ST3GAL4: variants seen among roughly 807,000 people sequenced by gnomAD.
The protein encoded by ST3GAL4 is ST3 beta-galactoside alpha-2,3-sialyltransferase 4, also known as CMP-N-acetylneuraminate-beta-galactosamide-alpha-2,3-sialyltransferase 4.
Under a neutral mutation model 42.6 loss-of-function variants are expected in ST3GAL4, and 24 were observed. The observed-to-expected ratio is 0.56, with a 90% CI of 0.41 to 0.79. The LOEUF (loss-of-function observed/expected upper bound fraction) is 0.79, where lower values mean the gene tolerates loss of function less well. Among genes scored for constraint, ST3GAL4 ranks in the 30% least tolerant of loss-of-function variants. The pLI is 0.00. For missense variants in ST3GAL4, 311 were observed against 430.8 expected (o/e 0.72, Z 2.46); for synonymous variants, 135 against 163.2 (o/e 0.83, Z 1.32).
At chr11:126,358,698 G>A (rs1952155510) in intron 1 of ST3GAL4, among the ~76,000 whole-genome samples, 1 of 152,226 alleles carries the variant, frequency 6.6e-6, no homozygotes, top group South Asian at 2.1e-4. Flanking sequence ...CGGGGTTAGA[G>A]GGTGTGGGTG....
chr11:126,390,017 CAAAAA>C (rs57306343), intron 1 of ST3GAL4, among the ~76,000 whole-genome samples: 2 of 114,636 alleles, frequency 1.7e-5, no homozygotes, highest in African/African-American at 3.4e-5. Flanking sequence ...GCTAAAAATA[CAAAAA>C]AAAAAAAAAA....
chr11:126,381,025 A>G (rs1952980545), intron 1 of ST3GAL4, among the ~76,000 whole-genome samples: 1 of 152,212 alleles, frequency 6.6e-6, no homozygotes, highest in Non-Finnish European at 1.5e-5. Flanking sequence ...GCATCCTTGC[A>G]TAGACAAGAA....
In ST3GAL4 at chr11:126,406,094, A is replaced by T; in HGVS notation, c.-60-2A>T. ...CGGACACCTGTGGCTCTTATTTCCT[A>T]GGTGGCCCGAGGCAGCCGGGATGAC... On this transcript the variant is annotated splice_acceptor_variant, in intron 1 of 10. Coordinates refer to ENST00000444328, the MANE Select transcript of ST3GAL4 (RefSeq NM_001254757.2). LOFTEE classifies it low-confidence loss of function (5UTR_SPLICE). The surrounding 1 kb of genome is among the most constrained non-coding windows in gnomAD (Gnocchi z 5.4). The T allele has an allele frequency of 3.2e-6, 5 of 1,551,574 alleles. No homozygotes were observed. The highest frequency in any genetic ancestry group is 4.4e-6 in the Non-Finnish European group (5 of 1,146,970).
chr11:126,406,839 G>A lies in ST3GAL4; in HGVS notation c.102-104G>A, dbSNP rs1260678523. ...ACTTAACTTGAGATGATTCCTCCCC[G>A]GCACCTTGGGACCTTCATGCCGTGG... is the stretch of plus-strand genomic sequence containing the variant. On this transcript the variant is annotated intron_variant, in intron 3 of 10. Transcript: ENST00000444328. This position sits in a 1 kb window ranked among gnomAD's most constrained non-coding sequence, Gnocchi z 5.4. 11 of 1,118,364 alleles carry A rather than the reference G, an allele frequency of 9.8e-6. No homozygotes were observed. The highest frequency in any genetic ancestry group is 2.3e-5 in the East Asian group (1 of 42,566). 69.3% of individuals were successfully genotyped at this position (1,118,364 alleles called of 1,614,324 possible).
rs1954249982 is a variant in ST3GAL4, at chr11:126,406,724, G to A, written c.101+167G>A. On this transcript the variant is annotated intron_variant, in intron 3 of 10. Coordinates refer to ENST00000444328, the MANE Select transcript of ST3GAL4 (RefSeq NM_001254757.2). This position sits in a 1 kb window ranked among gnomAD's most constrained non-coding sequence, Gnocchi z 5.4. ...GAGTGTTTCCATGAGGGTGGGTGGG[G>A]GTAGGGCCTGGGATGTCTCACTGGG... 1 of 1,004,980 alleles carries A rather than the reference G, an allele frequency of 1.0e-6. No homozygotes were observed. The highest frequency in any genetic ancestry group is 1.5e-6 in the Non-Finnish European group (1 of 686,980). The allele number at this position is 1,004,980 out of a possible 1,614,324, so 62.3% of individuals were successfully genotyped here. A position where few individuals can be genotyped will look rare whatever the true frequency, so the allele number is the denominator to read the frequency against.
chr11:126,356,215 A>C (rs1439751128), intron 1 of ST3GAL4: 1 of 152,304 alleles, frequency 6.6e-6, no homozygotes, highest in Non-Finnish European at 1.5e-5. Context: ...CAGGTCCAGC[A>C]CTTGGGAGCT....
Position 126,400,563 on chromosome 11 carries a change from A to T in ST3GAL4, c.-60-5533A>T, listed in dbSNP as rs1340201778. On this transcript the variant is annotated intron_variant, in intron 1 of 10. Coordinates refer to ENST00000444328, the MANE Select transcript of ST3GAL4 (RefSeq NM_001254757.2). This position sits in a 1 kb window ranked among gnomAD's most constrained non-coding sequence, Gnocchi z 4.6. ...GGTAAGAGATGCGTTTGCAGTTCTCATGGCCGCAGACTGAAGGGGCCTGGT... is the reference window on the plus strand; with the variant it reads ...GGTAAGAGATGCGTTTGCAGTTCTCTTGGCCGCAGACTGAAGGGGCCTGGT... 1.3e-5 allele frequency among the ~76,000 whole-genome samples: 2 copies of T among 152,224 alleles called. No individual in the cohort carries two copies. Among genetic ancestry groups the T allele is most frequent in the Admixed American group, 6.5e-5 (1 of 15,280 alleles).
chr11:126,412,118 A>C (rs1459290959), intron 9 of ST3GAL4, among the ~76,000 whole-genome samples: 1 of 152,114 alleles, frequency 6.6e-6, no homozygotes, highest in Non-Finnish European at 1.5e-5. Flanking sequence ...GGGTGGTAAC[A>C]TATTTAACTA....
chr11:126,407,126 G>T, intron 4 of ST3GAL4, 103 bp downstream of exon 4: 1 of 1,474,588 alleles, frequency 6.8e-7, no homozygotes, highest in Non-Finnish European at 9.5e-7. Flanking sequence ...TGTGTTGGTG[G>T]ACATGGGTTA....
At chr11:126,370,669 C>T (rs1189485426) in intron 1 of ST3GAL4, among the ~76,000 whole-genome samples, 1 of 151,606 alleles carries the variant, frequency 6.6e-6, no homozygotes, top group Admixed American at 6.6e-5. Flanking sequence ...TTTCTTCAAT[C>T]TCCATTCCTT....
At chr11:126,413,419 C>T (rs1274893016) in intron 9 of ST3GAL4, 86 bp from the exon 10 acceptor site, 1 of 1,528,108 alleles carries the variant, frequency 6.5e-7, no homozygotes. Context: ...TCCGTGACTG[C>T]AGGAAGTTCC....
In ST3GAL4 at chr11:126,408,810, A is replaced by G. The variant is rs576550451; in HGVS notation, c.627+314A>G. 28 of 448,162 alleles carry G rather than the reference A, an allele frequency of 6.2e-5. No homozygotes were observed. In the Admixed American group the frequency reaches 7.1e-4, roughly 11 times the overall value. 27.8% of individuals were successfully genotyped at this position (448,162 alleles called of 1,614,324 possible). A position where few individuals can be genotyped will look rare whatever the true frequency, so the allele number is the denominator to read the frequency against. ...CTGTGAGGAACTCGGGAGCTGAGCAACCCTCCAGCAGCCATCTCCAGGCTG... is the reference window on the plus strand; with the variant it reads ...CTGTGAGGAACTCGGGAGCTGAGCAGCCCTCCAGCAGCCATCTCCAGGCTG... On this transcript the variant is annotated intron_variant, in intron 8 of 10. Coordinates refer to ENST00000444328, the MANE Select transcript of ST3GAL4 (RefSeq NM_001254757.2).
chr11:126,384,962 G>A lies in ST3GAL4; in HGVS notation c.-60-21134G>A, dbSNP rs1260183820. 1 of 971,662 alleles carries A rather than the reference G, an allele frequency of 1.0e-6. No homozygotes were observed. Among genetic ancestry groups the A allele is most frequent in the Admixed American group, 6.2e-5 (1 of 16,238 alleles). 60.2% of individuals were successfully genotyped at this position (971,662 alleles called of 1,614,324 possible). ...CTTGTGCCTGGGAAGGGAGGACCAGGTGTCGCTGGCACCTTCCACGTCCTG... is the reference window on the plus strand; with the variant it reads ...CTTGTGCCTGGGAAGGGAGGACCAGATGTCGCTGGCACCTTCCACGTCCTG... On this transcript the variant is annotated intron_variant, in intron 1 of 10. Transcript: ENST00000444328. This position sits in a 1 kb window ranked among gnomAD's most constrained non-coding sequence, Gnocchi z 5.5.
rs111447568 is a variant in ST3GAL4 at position 126,390,238 on chromosome 11, A to G, written c.-60-15858A>G. 9.3e-5 allele frequency among the ~76,000 whole-genome samples: 14 copies of G among 151,294 alleles called. 1 individual carries two copies. The highest frequency in any genetic ancestry group is 3.4e-4 in the African/African-American group (14 of 41,252). ...AGTTTATCCCAATTGACCCATATGG[A>G]TTGATTTCTTCAGTTTACATGGCTA... On this transcript the variant is annotated intron_variant, in intron 1 of 10. Transcript: ENST00000444328.
At chr11:126,367,370 G>T (rs1188711500) in intron 1 of ST3GAL4, among the ~76,000 whole-genome samples, 3 of 152,220 alleles carry the variant, frequency 2.0e-5, no homozygotes, top group Non-Finnish European at 4.4e-5. Flanking sequence ...CCTGGCCGTG[G>T]CAGGTCCTTT....
At chr11:126,403,355 C>T in intron 1 of ST3GAL4, 1 of 969,478 alleles carries the variant, frequency 1.0e-6, no homozygotes, top group Non-Finnish European at 1.2e-6. Context: ...TGACGCTGCT[C>T]ACCTCTGACG....
rs568022618 is a variant in ST3GAL4 at position 126,384,981 on chromosome 11, C to G, written c.-60-21115C>G. On this transcript the variant is annotated intron_variant, in intron 1 of 10. Transcript: ENST00000444328. This position sits in a 1 kb window ranked among gnomAD's most constrained non-coding sequence, Gnocchi z 5.5. Reference sequence around the variant, plus strand: ...GACCAGGTGTCGCTGGCACCTTCCACGTCCTGAGTGCTTGTTCTGTGCCCA... The same window carrying G: ...GACCAGGTGTCGCTGGCACCTTCCAGGTCCTGAGTGCTTGTTCTGTGCCCA... 5.5e-6 allele frequency: 5 copies of G among 906,632 alleles called. No homozygotes were observed. The highest frequency in any genetic ancestry group is 1.0e-4 in the South Asian group (2 of 19,718). 56.2% of individuals were successfully genotyped at this position (906,632 alleles called of 1,614,324 possible). A position where few individuals can be genotyped will look rare whatever the true frequency, so the allele number is the denominator to read the frequency against.
chr11:126,356,371 TA>T (rs1952061541), intron 1 of ST3GAL4: 1 of 152,510 alleles, frequency 6.6e-6, no homozygotes, highest in Non-Finnish European at 1.5e-5. Context: ...TCGTCAGGCC[TA>T]GGCCACTGTG....
rs1952893861 is a variant in ST3GAL4, at chr11:126,378,383, CTG to C, written c.-61+22543_-61+22544del. The stretch of plus-strand genomic sequence containing the variant: ...CATTTCTATGAATTTGATAAAATGA[CTG>C]TATGCCATCATCAATTAGGGATGAT... On this transcript the variant is annotated intron_variant, in intron 1 of 10. Transcript: ENST00000444328. The surrounding 1 kb of genome is among the most constrained non-coding windows in gnomAD (Gnocchi z 5.3). Among the ~76,000 whole-genome samples, 3 of 152,224 alleles carry C rather than the reference CTG, an allele frequency of 2.0e-5. No individual in the cohort carries two copies. The South Asian group carries it at 6.2e-4, about 32-fold the overall frequency.
Sources: allele counts gnomAD v4.1 joint callset (sites outside exome capture counted in the v4.1 genomes callset), GRCh38; gene constraint gnomAD v4.1.1; non-coding constraint Gnocchi (gnomAD v3.1); transcripts MANE v1.5; gene names NCBI Gene and HGNC (gene_info 2026-07-23, HGNC 2026-07-21).